Variants in TMTC1 observed in about 807,000 individuals in gnomAD.
TMTC1 encodes the protein transmembrane O-mannosyltransferase targeting cadherins 1.
In TMTC1, 73 loss-of-function variants were observed where a neutral mutation model predicts 104.8. The observed-to-expected ratio is 0.70, with a 90% CI of 0.58 to 0.85. The LOEUF (loss-of-function observed/expected upper bound fraction) is 0.85, where lower values mean the gene tolerates loss of function less well. Ranked by LOEUF, TMTC1 falls within the 40% of genes least tolerant of loss-of-function variation. The pLI is 0.00. For synonymous variants in TMTC1, 434 were observed against 428.7 expected, an observed-to-expected ratio of 1.01 and a Z score of -0.15; for missense variants, 1,035 against 1,096.1, an observed-to-expected ratio of 0.94 and a Z score of 0.79.
chr12:29,587,865 A>C (rs1440766429), intron 7 of TMTC1, among the ~76,000 whole-genome samples: 2 of 152,156 alleles, frequency 1.3e-5, no homozygotes, highest in Non-Finnish European at 2.9e-5. Flanking sequence ...CAGTCTAGTG[A>C]ATCAGGTTGC....
intron 14 of TMTC1, 101 bp from the exon 15 acceptor site, chr12:29,516,587 G>T: frequency 7.4e-7 from 1 of 1,346,414 alleles, no homozygotes; most frequent in Non-Finnish European, 9.9e-7. Context: ...TGACAAACAT[G>T]CTCAGCATCA....
In TMTC1 at chr12:29,550,419, C is replaced by A. The variant is rs145684156; in HGVS notation, c.1676+6438G>T. Among the ~76,000 whole-genome samples, 108 of 152,158 alleles carry A rather than the reference C, an allele frequency of 7.1e-4. 1 individual carries two copies. Among genetic ancestry groups the A allele is most frequent in the South Asian group, 2.5e-3 (12 of 4,816 alleles). On this transcript the variant is annotated intron_variant, in intron 10 of 17. Coordinates refer to ENST00000539277, the MANE Select transcript of TMTC1 (RefSeq NM_001193451.2). ...GGGAGCAGGAGAATAGCACCTGTCA[C>A]GGAAGCTATGCTGATGCTTAGGTCT...
At chr12:29,552,608 T>TA (rs1565665738) in intron 10 of TMTC1, among the ~76,000 whole-genome samples, 1 of 152,188 alleles carries the variant, frequency 6.6e-6, no homozygotes, top group East Asian at 1.9e-4. Context: ...TTCTATTTCC[T>TA]TACTAAAGGA....
At chr12:29,728,642 C>G (rs900769561) in intron 5 of TMTC1, among the ~76,000 whole-genome samples, 2 of 152,070 alleles carry the variant, frequency 1.3e-5, no homozygotes, top group Admixed American at 1.3e-4. Context: ...CTCATGACCG[C>G]TGAACCAGGA....
intron 11 of TMTC1, among the ~76,000 whole-genome samples, chr12:29,528,626 G>A (rs1944413641): frequency 6.6e-6 from 1 of 152,164 alleles, no homozygotes. Flanking sequence ...TTACTGTCTT[G>A]AGCCAAATCG....
At chr12:29,781,460 C>T (rs187335289) in intron 1 of TMTC1, among the ~76,000 whole-genome samples, 389 of 152,282 alleles carry the variant, frequency 2.6e-3, no homozygotes, top group Non-Finnish European at 2.7e-3. Flanking sequence ...TCCTCTTAAT[C>T]AATGGTCTTA....
At chr12:29,754,177 TAA>T (rs56884730) in intron 4 of TMTC1, among the ~76,000 whole-genome samples, 14,236 of 140,560 alleles carry the variant, frequency 0.1, 1,321 homozygotes, top group African/African-American at 0.25. Context: ...AAAGTTTCTT[TAA>T]AAAAAAAAAA....
intron 16 of TMTC1, among the ~76,000 whole-genome samples, chr12:29,512,920 T>C (rs1396985197): frequency 6.6e-6 from 1 of 152,236 alleles, no homozygotes; most frequent in Non-Finnish European, 1.5e-5. Flanking sequence ...TAATGTTCCT[T>C]GCTATTTTCA....
intron 5 of TMTC1, among the ~76,000 whole-genome samples, chr12:29,675,615 CA>C: frequency 1.2e-5 from 1 of 82,544 alleles, no homozygotes; most frequent in Middle Eastern, 6.8e-3. Flanking sequence ...CACACACACA[CA>C]CACACACACA....
In TMTC1 at chr12:29,738,776, T is replaced by C. The variant is rs77125148; in HGVS notation, c.938+12890A>G. Among the ~76,000 whole-genome samples, 1,465 of 152,312 alleles carry C rather than the reference T, an allele frequency of 9.6e-3. 29 individuals carry two copies. Among genetic ancestry groups the C allele is most frequent in the African/African-American group, 0.033 (1,363 of 41,558 alleles). ...TTTTCTGTTCTTTAGAAGACAATCATCAATTGAGAAGGCTCAAGCCAATTA... is the reference window on the plus strand; with the variant it reads ...TTTTCTGTTCTTTAGAAGACAATCACCAATTGAGAAGGCTCAAGCCAATTA... On this transcript the variant is annotated intron_variant, in intron 5 of 17. Coordinates refer to ENST00000539277, the MANE Select transcript of TMTC1 (RefSeq NM_001193451.2).
chr12:29,537,684 T>C (rs1364232554), intron 10 of TMTC1, among the ~76,000 whole-genome samples: 1 of 152,160 alleles, frequency 6.6e-6, no homozygotes, highest in African/African-American at 2.4e-5. Context: ...CATGCTGCGA[T>C]TTCAGCAGAA....
chr12:29,606,385 T>C (rs1728832158), intron 6 of TMTC1, among the ~76,000 whole-genome samples: 1 of 152,086 alleles, frequency 6.6e-6, no homozygotes, highest in African/African-American at 2.4e-5. Context: ...AAGAATCCTG[T>C]ATATCAAGAG....
At chr12:29,644,111 A>ATGTGTGTGTG (rs371107912) in intron 5 of TMTC1, among the ~76,000 whole-genome samples, 13 of 74,436 alleles carry the variant, frequency 1.7e-4, no homozygotes, top group South Asian at 3.6e-4. Flanking sequence ...ATAAATATAT[A>ATGTGTGTGTG]TGTGTGTGTG....
At chr12:29,550,156 GA>G (rs370985972) in intron 10 of TMTC1, among the ~76,000 whole-genome samples, 60 of 149,682 alleles carry the variant, frequency 4.0e-4, no homozygotes, top group African/African-American at 7.8e-4. Context: ...GTATGATAAT[GA>G]AAAAAAAAAT....
At chr12:29,721,274 T>G (rs760176116) in intron 5 of TMTC1, among the ~76,000 whole-genome samples, 5 of 152,166 alleles carry the variant, frequency 3.3e-5, no homozygotes, top group Non-Finnish European at 5.9e-5. Flanking sequence ...ATGAGAGATC[T>G]ACTGTATTTA....
intron 5 of TMTC1, among the ~76,000 whole-genome samples, chr12:29,641,478 C>T (rs1054912073): frequency 1.3e-5 from 2 of 152,122 alleles, no homozygotes; most frequent in Non-Finnish European, 2.9e-5. Context: ...TGGCTAGATC[C>T]AGAAGAGAGA....
intron 11 of TMTC1, 111 bp from the exon 12 acceptor site, chr12:29,520,831 T>G (rs1944130904): frequency 1.3e-6 from 1 of 781,972 alleles, no homozygotes; most frequent in Non-Finnish European, 2.0e-6. Flanking sequence ...ACTAAGCACC[T>G]AATATACAAC....
chr12:29,657,801 G>C (rs905658312), intron 5 of TMTC1, among the ~76,000 whole-genome samples: 1 of 152,092 alleles, frequency 6.6e-6, no homozygotes, highest in African/African-American at 2.4e-5. Flanking sequence ...AAAGATCACT[G>C]GCAGACATAA....
chr12:29,643,691 T>TATAA, intron 5 of TMTC1, among the ~76,000 whole-genome samples: 95 of 2,212 alleles, frequency 0.043, 32 homozygotes, highest in African/African-American at 0.16. Context: ...ATTATATATA[T>TATAA]TATATATATT....
Sources: gnomAD v4.1 joint callset for allele counts (sites outside exome capture counted in the v4.1 genomes callset) on GRCh38, gnomAD v4.1.1 for gene constraint, MANE v1.5 for transcripts, NCBI Gene and HGNC (gene_info 2026-07-23, HGNC 2026-07-21) for gene names.